TBCEL: variants seen among roughly 807,000 people sequenced by gnomAD.
TBCEL encodes tubulin-specific chaperone cofactor E-like protein.
In TBCEL, 15 loss-of-function variants were observed where a neutral mutation model predicts 44.2. That is an observed-to-expected ratio of 0.34 (90% CI 0.23 to 0.52). TBCEL has a LOEUF of 0.52. Among genes scored for constraint, TBCEL ranks in the 20% least tolerant of loss-of-function variants. TBCEL has a pLI of 0.95. For synonymous variants in TBCEL, 171 were observed against 185.4 expected (o/e 0.92, Z 0.63); for missense variants, 319 against 506.3 (o/e 0.63, Z 3.55).
In TBCEL at chr11:121,087,514, C is replaced by A. The variant is rs112522932; in HGVS notation, c.*418C>A. ...TGACAAGGAATCTTCACAGGAAGGGCCAGAACTTCTCTCTCCCAGTTCTTC... is the reference window on the plus strand; with the variant it reads ...TGACAAGGAATCTTCACAGGAAGGGACAGAACTTCTCTCTCCCAGTTCTTC... On this transcript the variant is annotated 3_prime_UTR_variant, in exon 9 of 9. Transcript: ENST00000683345. 4.4e-5 allele frequency: 7 copies of A among 158,076 alleles called. No homozygotes were observed. The highest frequency in any genetic ancestry group is 9.7e-5 in the Non-Finnish European group (7 of 71,984). The allele number at this position is 158,076 out of a possible 1,614,324, so 9.8% of individuals were successfully genotyped here.
intron 8 of TBCEL, among the ~76,000 whole-genome samples, chr11:121,067,095 A>G (rs1945835354): frequency 6.6e-6 from 1 of 152,200 alleles, no homozygotes; most frequent in African/African-American, 2.4e-5. Context: ...ACTTTAACAT[A>G]AAGTAAGAAA....
chr11:121,045,949 G>T, intron 3 of TBCEL, 126 bp downstream of exon 3: 1 of 1,112,792 alleles, frequency 9.0e-7, no homozygotes, highest in South Asian at 2.7e-5. Context: ...TTTCCCCCTT[G>T]TTATGATTTC....
chr11:121,059,948 T>C, intron 7 of TBCEL, 21 bp from the exon 8 acceptor site: 1 of 1,538,976 alleles, frequency 6.5e-7, no homozygotes, highest in South Asian at 1.1e-5. Context: ...AAAATGTCTT[T>C]ATTTTGGTTT....
At chr11:121,048,463 A>G (rs1945472400) in intron 4 of TBCEL, among the ~76,000 whole-genome samples, 1 of 151,858 alleles carries the variant, frequency 6.6e-6, no homozygotes, top group South Asian at 2.1e-4. Context: ...GATAGGAGCT[A>G]CCCTGAAGAA....
chr11:121,062,027 C>G (rs1299531767), intron 8 of TBCEL, among the ~76,000 whole-genome samples: 3 of 151,834 alleles, frequency 2.0e-5, no homozygotes, highest in Non-Finnish European at 4.4e-5. Flanking sequence ...GCATTTTGTT[C>G]ATATCTTTAT....
intron 8 of TBCEL, among the ~76,000 whole-genome samples, chr11:121,085,766 AAGGTGCTAGGATTCT>A (rs890306916): frequency 6.6e-6 from 1 of 151,846 alleles, no homozygotes; most frequent in African/African-American, 2.4e-5. Flanking sequence ...TGGGCTTCCC[AAGGTGCTAGGATTCT>A]AGGTGTGAGC....
chr11:121,033,843 T>A (rs1256342798), intron 1 of TBCEL, among the ~76,000 whole-genome samples: 1 of 152,020 alleles, frequency 6.6e-6, no homozygotes, highest in African/African-American at 2.4e-5. Flanking sequence ...ACAATCACCA[T>A]TCTACAGTGT....
At chr11:121,067,988 C>T (rs11600109) in intron 8 of TBCEL, among the ~76,000 whole-genome samples, 3,674 of 152,292 alleles carry the variant, frequency 0.024, 54 homozygotes, top group Non-Finnish European at 0.036. Context: ...TTCCCAACCT[C>T]TAAAACTTGA....
rs1946239243 is a variant in TBCEL at position 121,087,694 on chromosome 11, A to C, written c.*598A>C. On this transcript the variant is annotated 3_prime_UTR_variant, in exon 9 of 9. Transcript: ENST00000683345. Reference sequence around the variant, plus strand: ...TCATTTCTCCCTTTTGAAATAATTGAAAGTGTTTTAAGCATTTTTAACCTG... The same window carrying C: ...TCATTTCTCCCTTTTGAAATAATTGCAAGTGTTTTAAGCATTTTTAACCTG... The C allele has an allele frequency of 6.6e-6, 1 of 152,244 alleles. No homozygotes were observed. Among genetic ancestry groups the C allele is most frequent in the Non-Finnish European group, 1.5e-5 (1 of 68,168 alleles). The allele number at this position is 152,244 out of a possible 1,614,324, so 9.4% of individuals were successfully genotyped here. A position where few individuals can be genotyped will look rare whatever the true frequency, so the allele number is the denominator to read the frequency against.
chr11:121,041,240 T>C (rs1483838885), intron 2 of TBCEL, among the ~76,000 whole-genome samples: 4 of 152,202 alleles, frequency 2.6e-5, no homozygotes, highest in Non-Finnish European at 5.9e-5. Flanking sequence ...ATTGGGAACA[T>C]AAAGTACAAA....
intron 8 of TBCEL, among the ~76,000 whole-genome samples, chr11:121,061,210 A>AT (rs879777531): frequency 2.0e-5 from 3 of 151,786 alleles, no homozygotes; most frequent in Non-Finnish European, 4.4e-5. Flanking sequence ...ACCAGATGAA[A>AT]TTTTTTTTAG....
rs753548295 is a variant in TBCEL at position 121,086,863 on chromosome 11, G to T, written c.1042G>T (p.Val348Phe). Residue 348 changes from valine (V) to phenylalanine (F), a missense_variant, in exon 9 of 9, where the codon GTC becomes TTC. Transcript: ENST00000683345. ...LRPQSSAKVE[V>F]HFNDQVEEMS... ...ACCCCAGAGCAGTGCAAAAGTAGAA[G>T]TCCACTTTAACGATCAGGTGGAAGA... 6.2e-7 allele frequency: 1 copy of T among 1,613,930 alleles called. No individual in the cohort carries two copies. Among genetic ancestry groups the T allele is most frequent in the South Asian group, 1.1e-5 (1 of 91,074 alleles).
chr11:121,077,162 A>G (rs560457210), intron 8 of TBCEL, among the ~76,000 whole-genome samples: 2 of 152,138 alleles, frequency 1.3e-5, no homozygotes, highest in African/African-American at 4.8e-5. Flanking sequence ...GGCCTCATTT[A>G]TAAGTGTTCT....
At chr11:121,069,563 G>A (rs1462088358) in intron 8 of TBCEL, among the ~76,000 whole-genome samples, 1 of 152,120 alleles carries the variant, frequency 6.6e-6, no homozygotes, top group Non-Finnish European at 1.5e-5. Context: ...GGCCGAGGTG[G>A]GTGGATCACT....
intron 2 of TBCEL, among the ~76,000 whole-genome samples, chr11:121,038,317 T>C (rs754014833): frequency 6.6e-6 from 1 of 152,196 alleles, no homozygotes; most frequent in Non-Finnish European, 1.5e-5. Context: ...TTAGTAGACC[T>C]TTATTCGTTG....
At chr11:121,025,716 A>ATTTT (rs35047977) in intron 1 of TBCEL, among the ~76,000 whole-genome samples, 4 of 144,492 alleles carry the variant, frequency 2.8e-5, no homozygotes, top group South Asian at 4.4e-4. Flanking sequence ...AAGGAGATGG[A>ATTTT]TTTTTTTTTT....
chr11:121,058,537 C>T (rs1333310844), intron 7 of TBCEL, 66 bp downstream of exon 7: 4 of 1,581,630 alleles, frequency 2.5e-6, no homozygotes, highest in Non-Finnish European at 3.5e-6. Context: ...AGGAATAATG[C>T]ACTGTTTAGT....
intron 4 of TBCEL, among the ~76,000 whole-genome samples, chr11:121,049,831 A>T (rs1286565703): frequency 6.6e-6 from 1 of 151,802 alleles, no homozygotes. Context: ...CAGTGTGTAC[A>T]CTAAGTAATT....
Position 121,071,141 on chromosome 11 carries a change from C to T in TBCEL, c.956+11056C>T, listed in dbSNP as rs145683384. 8.1e-3 allele frequency among the ~76,000 whole-genome samples: 1,228 copies of T among 152,234 alleles called. 18 individuals carry two copies. The highest frequency in any genetic ancestry group is 0.028 in the African/African-American group (1,175 of 41,540). ...ACATGTTTATTATTTTTGCCTTGCC[C>T]TTGATCAGATGTCTATCCACATTGC... is the stretch of plus-strand genomic sequence containing the variant. On this transcript the variant is annotated intron_variant, in intron 8 of 8. Coordinates refer to ENST00000683345, the MANE Select transcript of TBCEL (RefSeq NM_001363644.2).
Sources: allele counts gnomAD v4.1 joint callset (sites outside exome capture counted in the v4.1 genomes callset), GRCh38; gene constraint gnomAD v4.1.1; transcripts MANE v1.5; gene names NCBI Gene and HGNC (gene_info 2026-07-23, HGNC 2026-07-21).